The following GALNT1 variants were observed in gnomAD, a reference collection of about 807,000 sequenced individuals.
The protein encoded by GALNT1 is GalNAc transferase 1.
Under a neutral mutation model 65.7 loss-of-function variants are expected in GALNT1, and 17 were observed. That is an observed-to-expected ratio of 0.26 (90% CI 0.18 to 0.39). The LOEUF is 0.39. GALNT1 is among the 10% of genes least tolerant of loss of function. The pLI is 1.00. For synonymous variants in GALNT1, 210 were observed against 219.7 expected (o/e 0.96, Z 0.39); for missense variants, 460 against 672.8 (o/e 0.68, Z 3.50).
chr18:35,641,849 G>A (rs1180774352), intron 1 of GALNT1, among the ~76,000 whole-genome samples: 1 of 152,126 alleles, frequency 6.6e-6, no homozygotes, highest in African/African-American at 2.4e-5. Flanking sequence ...CTTTAGATCA[G>A]GGGTCGGTGT....
At chr18:35,657,479 TAAGTC>T (rs2047408865) in intron 2 of GALNT1, among the ~76,000 whole-genome samples, 1 of 152,172 alleles carries the variant, frequency 6.6e-6, no homozygotes, top group Non-Finnish European at 1.5e-5. Flanking sequence ...GATGGTAGTT[TAAGTC>T]TTTTCTGTAC....
At chr18:35,683,353 C>T in intron 4 of GALNT1, 38 bp from the exon 5 acceptor site, 1 of 1,526,624 alleles carries the variant, frequency 6.6e-7, no homozygotes, top group Non-Finnish European at 9.0e-7. Flanking sequence ...AGTGCCAGGC[C>T]ACACTGGTTT....
At chr18:35,623,693 A>T (rs1188166707) in intron 1 of GALNT1, among the ~76,000 whole-genome samples, 2 of 152,068 alleles carry the variant, frequency 1.3e-5, no homozygotes, top group Middle Eastern at 3.2e-3. Context: ...ATCTGCTGTA[A>T]TCCCATCAAG....
rs750180079 is a variant in GALNT1, at chr18:35,692,249, C to A, written c.1228C>A (p.Pro410Thr). Residue 410 changes from proline (P) to threonine (T), a missense_variant, in exon 9 of 12, where the codon CCT (proline) becomes ACT (threonine). Coordinates refer to ENST00000269195, the MANE Select transcript of GALNT1 (RefSeq NM_020474.4). ...TCTAAGACACAAACTACAATGCAAA[C>A]CTTTTTCCTGGTACCTAGAGAATAT... ...VGLRHKLQCK[P>T]FSWYLENIYP... is the part of the protein sequence containing the mutation. 1 of 1,607,680 alleles carries A rather than the reference C, an allele frequency of 6.2e-7. No homozygotes were observed. The highest frequency in any genetic ancestry group is 8.5e-7 in the Non-Finnish European group (1 of 1,174,766).
intron 2 of GALNT1, among the ~76,000 whole-genome samples, chr18:35,658,178 G>A (rs1013416785): frequency 2.6e-5 from 4 of 152,316 alleles, no homozygotes; most frequent in Admixed American, 2.0e-4. Context: ...AAAGGAGAAC[G>A]AATCATTCTC....
At chr18:35,646,032 T>C (rs1489808518) in intron 1 of GALNT1, among the ~76,000 whole-genome samples, 1 of 152,172 alleles carries the variant, frequency 6.6e-6, no homozygotes, top group East Asian at 1.9e-4. Flanking sequence ...CTCGATAATT[T>C]ATGAAGAAAA....
intron 1 of GALNT1, among the ~76,000 whole-genome samples, chr18:35,651,845 C>T (rs1396225888): frequency 6.6e-6 from 1 of 152,100 alleles, no homozygotes; most frequent in Non-Finnish European, 1.5e-5. Flanking sequence ...AGAATCTTAC[C>T]TGCAATGGGT....
intron 3 of GALNT1, 67 bp downstream of exon 3, chr18:35,663,869 C>A: frequency 6.9e-7 from 1 of 1,448,932 alleles, no homozygotes; most frequent in Non-Finnish European, 9.6e-7. Flanking sequence ...CAGTAAATTG[C>A]ACTTGAGTGC....
At chr18:35,602,140 AT>A (rs987787317) in intron 1 of GALNT1, among the ~76,000 whole-genome samples, 2 of 151,104 alleles carry the variant, frequency 1.3e-5, no homozygotes, top group Non-Finnish European at 3.0e-5. Flanking sequence ...TTGCTGGGTC[AT>A]CTGGGTTGGT....
intron 9 of GALNT1, among the ~76,000 whole-genome samples, chr18:35,698,806 G>A (rs968620157): frequency 3.3e-5 from 5 of 151,916 alleles, no homozygotes; most frequent in Non-Finnish European, 7.4e-5. Context: ...GTGAAATCCT[G>A]TCTCTACAAA....
chr18:35,703,436 G>T, intron 10 of GALNT1, 73 bp from the exon 11 acceptor site: 2 of 1,361,466 alleles, frequency 1.5e-6, no homozygotes, highest in South Asian at 2.6e-5. Context: ...TATTTTCCCT[G>T]ACAGCTAATT....
Position 35,690,995 on chromosome 18 carries a change from A to G in GALNT1, c.979-17A>G. The G allele has an allele frequency of 1.3e-6, 2 of 1,561,632 alleles. No individual in the cohort carries two copies. The highest frequency in any genetic ancestry group is 1.4e-5 in the African/African-American group (1 of 72,754). Reference sequence around the variant, plus strand: ...TTACTCAGCTACATGTTACATGGTCATCTCTGCTGTTTTCAGATTTGGCAG... The same window carrying G: ...TTACTCAGCTACATGTTACATGGTCGTCTCTGCTGTTTTCAGATTTGGCAG... On this transcript the variant is annotated splice_polypyrimidine_tract_variant and intron_variant, in intron 7 of 11. Transcript: ENST00000269195.
intron 5 of GALNT1, among the ~76,000 whole-genome samples, chr18:35,684,332 A>G (rs2144612898): frequency 6.6e-6 from 1 of 152,306 alleles, no homozygotes; most frequent in Non-Finnish European, 1.5e-5. Context: ...TTTGATAGCA[A>G]ATGCTGGATC....
chr18:35,587,791 A>G (rs2046395138), intron 1 of GALNT1, among the ~76,000 whole-genome samples: 1 of 152,224 alleles, frequency 6.6e-6, no homozygotes. Flanking sequence ...GGGGGCATTT[A>G]GCAATGTTTC....
chr18:35,594,231 G>C (rs1042894400), intron 1 of GALNT1, among the ~76,000 whole-genome samples: 6 of 152,040 alleles, frequency 3.9e-5, no homozygotes, highest in African/African-American at 1.4e-4. Context: ...AGGCTTCTAA[G>C]GCTTTGAAAA....
At chr18:35,656,951 G>A (rs1026244958) in intron 2 of GALNT1, among the ~76,000 whole-genome samples, 4 of 152,312 alleles carry the variant, frequency 2.6e-5, no homozygotes, top group South Asian at 4.1e-4. Context: ...GCCATCGAAT[G>A]TAGGGAATAA....
At chr18:35,620,615 A>G (rs1407732691) in intron 1 of GALNT1, among the ~76,000 whole-genome samples, 1 of 152,122 alleles carries the variant, frequency 6.6e-6, no homozygotes, top group African/African-American at 2.4e-5. Flanking sequence ...TTATTTTAAT[A>G]TGTTTTAAAG....
intron 9 of GALNT1, among the ~76,000 whole-genome samples, chr18:35,699,808 C>G (rs1250446006): frequency 6.6e-6 from 1 of 152,122 alleles, no homozygotes; most frequent in African/African-American, 2.4e-5. Context: ...AATAACCAAC[C>G]CAAATACCTA....
chr18:35,677,460 A>C, intron 3 of GALNT1, 131 bp from the exon 4 acceptor site: 1 of 538,064 alleles, frequency 1.9e-6, no homozygotes, highest in Non-Finnish European at 3.2e-6. Context: ...CCAAGACTTA[A>C]ATGAAAAGGT....
Sources: gnomAD v4.1 joint callset for allele counts (sites outside exome capture counted in the v4.1 genomes callset) on GRCh38, gnomAD v4.1.1 for gene constraint, MANE v1.5 for transcripts, NCBI Gene and HGNC (gene_info 2026-07-23, HGNC 2026-07-21) for gene names.